The following MDFIC2 variants were observed in gnomAD, a reference collection of about 807,000 sequenced individuals.
MDFIC2 encodes the protein MyoD family inhibitor domain containing 2, also known as myoD family inhibitor domain-containing protein 2.
intron 2 of MDFIC2, among the ~76,000 whole-genome samples, chr3:70,218,645 A>G (rs1190443918): frequency 2.0e-5 from 3 of 152,148 alleles, no homozygotes; most frequent in Non-Finnish European, 2.9e-5. Flanking sequence ...CTTGGGTGGC[A>G]TAACACCTCC....
chr3:70,300,298 T>C (rs7431772), intron 2 of MDFIC2, among the ~76,000 whole-genome samples: 152,208 of 152,262 alleles, frequency 1, 76,077 homozygotes, highest in Admixed American at 1. Flanking sequence ...AATCTATTGA[T>C]TTATAGATAA....
At chr3:70,245,671 T>TTTTA (rs1553648277) in intron 2 of MDFIC2, among the ~76,000 whole-genome samples, 1 of 57,238 alleles carries the variant, frequency 1.7e-5, no homozygotes, top group East Asian at 7.1e-4. Context: ...GCAAACTGCT[T>TTTTA]TATATATATA....
chr3:70,253,670 C>T (rs1354259749), intron 2 of MDFIC2, among the ~76,000 whole-genome samples: 3 of 152,040 alleles, frequency 2.0e-5, no homozygotes, highest in African/African-American at 7.3e-5. Flanking sequence ...CTGCAGTGAG[C>T]TATGATAACA....
chr3:70,262,072 G>C (rs1029208984), intron 2 of MDFIC2, among the ~76,000 whole-genome samples: 2 of 152,128 alleles, frequency 1.3e-5, no homozygotes, highest in Non-Finnish European at 2.9e-5. Context: ...TCAATCTCAC[G>C]ATAAAGCCTT....
chr3:70,271,338 G>C (rs1659565704), intron 2 of MDFIC2, among the ~76,000 whole-genome samples: 1 of 152,148 alleles, frequency 6.6e-6, no homozygotes, highest in African/African-American at 2.4e-5. Context: ...CAAATAAACT[G>C]TGTTGTGGCT....
intron 2 of MDFIC2, among the ~76,000 whole-genome samples, chr3:70,257,979 C>A (rs1422180248): frequency 6.6e-6 from 1 of 152,232 alleles, no homozygotes; most frequent in East Asian, 1.9e-4. Flanking sequence ...AGCTATGTAA[C>A]TATGGTCAAT....
In MDFIC2 at chr3:70,195,214, A is replaced by AT. The variant is rs922624190; in HGVS notation, c.*1711dup. ...TGTTCCCTTCCTGTTCTAGGAATCTATTTTTTTTTCTTCTAATGATCTACA... is the reference window on the plus strand; with the variant it reads ...TGTTCCCTTCCTGTTCTAGGAATCTATTTTTTTTTTCTTCTAATGATCTACA... On this transcript the variant is annotated 3_prime_UTR_variant, in exon 4 of 4. Transcript: ENST00000567252. Among the ~76,000 whole-genome samples the AT allele has an allele frequency of 4.0e-4, 60 of 151,292 alleles. No homozygotes were observed. The highest frequency in any genetic ancestry group is 8.7e-4 in the African/African-American group (36 of 41,250).
chr3:70,304,569 T>A (rs141704362), intron 2 of MDFIC2, among the ~76,000 whole-genome samples: 3 of 152,228 alleles, frequency 2.0e-5, no homozygotes, highest in Non-Finnish European at 4.4e-5. Flanking sequence ...ATTCCTTTCT[T>A]TGTATCACCC....
intron 2 of MDFIC2, among the ~76,000 whole-genome samples, chr3:70,246,640 T>C (rs1215128070): frequency 6.6e-6 from 1 of 152,102 alleles, no homozygotes; most frequent in Admixed American, 6.6e-5. Flanking sequence ...TAAGGGGTTG[T>C]TGACAACAAC....
At chr3:70,220,937 G>T (rs1372809871) in intron 2 of MDFIC2, among the ~76,000 whole-genome samples, 1 of 152,148 alleles carries the variant, frequency 6.6e-6, no homozygotes, top group African/African-American at 2.4e-5. Flanking sequence ...CGTAAAGGGT[G>T]AATGAATGTA....
At chr3:70,290,274 T>C (rs1245786830) in intron 2 of MDFIC2, among the ~76,000 whole-genome samples, 1 of 152,218 alleles carries the variant, frequency 6.6e-6, no homozygotes, top group African/African-American at 2.4e-5. Flanking sequence ...GTTTTCCTTC[T>C]AACAGACGGG....
At chr3:70,264,502 C>T (rs1316198277) in intron 2 of MDFIC2, among the ~76,000 whole-genome samples, 1 of 152,178 alleles carries the variant, frequency 6.6e-6, no homozygotes, top group Admixed American at 6.5e-5. Flanking sequence ...ATATTCTCTC[C>T]CTGTTAGAGA....
intron 2 of MDFIC2, among the ~76,000 whole-genome samples, chr3:70,289,795 T>C (rs1267000973): frequency 2.0e-5 from 3 of 152,132 alleles, no homozygotes; most frequent in Non-Finnish European, 2.9e-5. Flanking sequence ...TCCTTCTCGC[T>C]TCATTTCATT....
At chr3:70,267,578 A>AT (rs377637066) in intron 2 of MDFIC2, among the ~76,000 whole-genome samples, 4,364 of 132,728 alleles carry the variant, frequency 0.033, 251 homozygotes, top group East Asian at 0.2. Flanking sequence ...AATTTTTTGT[A>AT]TTTTTTTTTT....
At position 70,289,752 on chromosome 3, in the gene MDFIC2, C is replaced by A. The variant is rs973224235; in HGVS notation, c.88+22134G>T. On this transcript the variant is annotated intron_variant, in intron 2 of 3. Transcript: ENST00000567252. ...AGTCCCATATTTCTTGGAGGGTTTGCTCGTTTCTTTTTATTCTTTTTTCTC... is the reference window on the plus strand; with the variant it reads ...AGTCCCATATTTCTTGGAGGGTTTGATCGTTTCTTTTTATTCTTTTTTCTC... Among the ~76,000 whole-genome samples, 105 of 152,206 alleles carry A rather than the reference C, an allele frequency of 6.9e-4. 3 individuals carry two copies. Among genetic ancestry groups the A allele is most frequent in the East Asian group, 4.5e-3 (23 of 5,168 alleles).
chr3:70,200,848 A>G (rs940831596), intron 3 of MDFIC2, among the ~76,000 whole-genome samples: 8 of 152,000 alleles, frequency 5.3e-5, no homozygotes, highest in African/African-American at 1.9e-4. Flanking sequence ...GTAAGATCGT[A>G]GAGCAGAGAT....
intron 2 of MDFIC2, among the ~76,000 whole-genome samples, chr3:70,257,023 C>A (rs923165868): frequency 2.0e-5 from 3 of 152,070 alleles, no homozygotes; most frequent in African/African-American, 7.2e-5. Flanking sequence ...GAGAGAATAT[C>A]ATAATAATTC....
At chr3:70,288,490 A>G (rs1702191295) in intron 2 of MDFIC2, among the ~76,000 whole-genome samples, 2 of 150,792 alleles carry the variant, frequency 1.3e-5, no homozygotes, top group Admixed American at 6.6e-5. Context: ...TATGTGGTCA[A>G]TTTTGGAATA....
intron 2 of MDFIC2, among the ~76,000 whole-genome samples, chr3:70,257,787 G>A (rs367958998): frequency 1.6e-3 from 245 of 152,218 alleles, no homozygotes; most frequent in African/African-American, 5.7e-3. Context: ...CCAGCAGCAG[G>A]CATGTGTAGA....
Sources: allele counts gnomAD v4.1 joint callset (sites outside exome capture counted in the v4.1 genomes callset), GRCh38; gene constraint gnomAD v4.1.1; transcripts MANE v1.5; gene names NCBI Gene and HGNC (gene_info 2026-07-23, HGNC 2026-07-21).